Variants in CAPN8 observed in about 807,000 individuals in gnomAD.
The protein encoded by CAPN8 is calpain 8.
A neutral mutation model predicts 80.9 loss-of-function variants in CAPN8; 87 were observed. The ratio of observed to expected loss-of-function variants is 1.07; its 90% CI spans 0.90 to 1.28. The LOEUF (loss-of-function observed/expected upper bound fraction) is 1.28. Ranked by LOEUF, CAPN8 falls within the 50% of genes most tolerant of loss-of-function variation. CAPN8 has a pLI of 0.00. For synonymous variants in CAPN8, 299 were observed against 273.8 expected (o/e 1.09, Z -0.91); for missense variants, 757 against 702.0 (o/e 1.08, Z -0.89).
chr1:223,548,132 A>C (rs1656675696), intron 16 of CAPN8, among the ~76,000 whole-genome samples: 1 of 152,204 alleles, frequency 6.6e-6, no homozygotes, highest in African/African-American at 2.4e-5. Context: ...CCCGCAGTTA[A>C]TGAAAGAACC....
chr1:223,628,037 T>G lies in CAPN8; in HGVS notation c.532A>C (p.Ser178Arg). 1 of 1,549,956 alleles carries G rather than the reference T, an allele frequency of 6.5e-7. No individual in the cohort carries two copies. Among genetic ancestry groups the G allele is most frequent in the Non-Finnish European group, 8.7e-7 (1 of 1,145,944 alleles). ...GCATAGGCTTTCTCCAGCAGGGCACTCCAGAATTCATTGCCTTGTTCCGAG... is the reference window on the plus strand; with the variant it reads ...GCATAGGCTTTCTCCAGCAGGGCACGCCAGAATTCATTGCCTTGTTCCGAG... The part of the protein sequence containing the change: ...LHSEQGNEFW[S>R]ALLEKAYAKL... Residue 178 changes from serine to arginine, a missense_variant, in exon 4 of 21, where the codon AGT becomes CGT. Coordinates refer to ENST00000366872, the MANE Select transcript of CAPN8 (RefSeq NM_001143962.2).
chr1:223,624,159 A>G (rs1657491330), intron 6 of CAPN8, among the ~76,000 whole-genome samples: 2 of 152,116 alleles, frequency 1.3e-5, no homozygotes, highest in Admixed American at 1.3e-4. Context: ...CAGGCTCTCA[A>G]GCGCCTGCCC....
intron 2 of CAPN8, among the ~76,000 whole-genome samples, chr1:223,638,901 C>T (rs528873124): frequency 3.9e-5 from 6 of 152,318 alleles, no homozygotes; most frequent in African/African-American, 1.4e-4. Context: ...GGACCTTGCA[C>T]ATCTGGAAGT....
chr1:223,664,276 T>A (rs543489020), intron 1 of CAPN8, among the ~76,000 whole-genome samples: 3 of 152,344 alleles, frequency 2.0e-5, no homozygotes, highest in East Asian at 3.9e-4. Context: ...CCTGATGGAA[T>A]AATGTCAATT....
intron 1 of CAPN8, among the ~76,000 whole-genome samples, chr1:223,656,208 C>A (rs1046041598): frequency 1.3e-5 from 2 of 151,988 alleles, no homozygotes; most frequent in African/African-American, 4.8e-5. Flanking sequence ...GTGGCTCACG[C>A]CTGTAATCCC....
intron 1 of CAPN8, among the ~76,000 whole-genome samples, chr1:223,656,695 T>C (rs1658502694): frequency 6.9e-6 from 1 of 145,704 alleles, no homozygotes; most frequent in African/African-American, 2.5e-5. Flanking sequence ...TTTTTTTTTT[T>C]TTTTTTGAGA....
intron 9 of CAPN8, among the ~76,000 whole-genome samples, chr1:223,616,420 A>T (rs1657191130): frequency 6.6e-6 from 1 of 152,158 alleles, no homozygotes; most frequent in Admixed American, 6.5e-5. Context: ...CTTGACTGGG[A>T]ATATTCAGGA....
chr1:223,620,967 T>TA (rs66669646), intron 7 of CAPN8, among the ~76,000 whole-genome samples: 28,260 of 147,032 alleles, frequency 0.19, 2,742 homozygotes, highest in Middle Eastern at 0.26. Flanking sequence ...GATCCATCTT[T>TA]AAAAAAAAAA....
At chr1:223,555,581 A>G (rs1656885554) in intron 13 of CAPN8, among the ~76,000 whole-genome samples, 1 of 152,278 alleles carries the variant, frequency 6.6e-6, no homozygotes, top group East Asian at 1.9e-4. Flanking sequence ...GTAATACAGT[A>G]TGCCAAAATC....
intron 20 of CAPN8, among the ~76,000 whole-genome samples, chr1:223,542,793 G>A (rs778083554): frequency 5.9e-5 from 9 of 152,078 alleles, no homozygotes; most frequent in Admixed American, 1.3e-4. Flanking sequence ...TAAGACAGCT[G>A]GTCCTAGAAG....
intron 16 of CAPN8, among the ~76,000 whole-genome samples, chr1:223,549,111 G>C (rs988490439): frequency 1.3e-5 from 2 of 152,078 alleles, no homozygotes; most frequent in Non-Finnish European, 1.5e-5. Context: ...GTGAAACGGA[G>C]ATAATCTCAA....
chr1:223,621,304 C>A (rs1353638138), intron 7 of CAPN8, among the ~76,000 whole-genome samples: 1 of 149,334 alleles, frequency 6.7e-6, no homozygotes, highest in Non-Finnish European at 1.5e-5. Context: ...AGGGATGTTG[C>A]CTTAGAGATT....
chr1:223,633,546 C>CT (rs1657833198), intron 2 of CAPN8, among the ~76,000 whole-genome samples: 1 of 152,082 alleles, frequency 6.6e-6, no homozygotes, highest in African/African-American at 2.4e-5. Flanking sequence ...CCTGTAGTAC[C>CT]AGCTACTCAG....
intron 13 of CAPN8, among the ~76,000 whole-genome samples, chr1:223,556,168 T>C (rs1656903257): frequency 6.6e-6 from 1 of 152,370 alleles, no homozygotes; most frequent in Admixed American, 6.5e-5. Flanking sequence ...CAGGTGATTA[T>C]GCTCTTTGAA....
chr1:223,622,482 A>G, intron 7 of CAPN8: 1 of 285,130 alleles, frequency 3.5e-6, no homozygotes, highest in Non-Finnish European at 6.6e-6. Context: ...GTGGAAAGAA[A>G]CAGACTGTGA....
chr1:223,654,424 C>T lies in CAPN8; in HGVS notation c.238-25G>A, dbSNP rs187522196. On this transcript the variant is annotated intron_variant, in intron 1 of 20. Transcript: ENST00000366872. ...CCTGAAAGTAATTTGGAACAAAACA[C>T]AAGTCACAAGGTGCTCAGTGATGGC... 2.4e-3 allele frequency: 3,766 copies of T among 1,549,594 alleles called. 16 individuals carry two copies. The highest frequency in any genetic ancestry group is 4.7e-3 in the South Asian group (399 of 84,008).
At chr1:223,662,458 A>AAAAG (rs534061104) in intron 1 of CAPN8, among the ~76,000 whole-genome samples, 2 of 152,188 alleles carry the variant, frequency 1.3e-5, no homozygotes, top group African/African-American at 4.8e-5. Context: ...CAAACAAAAA[A>AAAAG]AAAGAAAGAA....
At chr1:223,556,715 C>T (rs1656913659) in intron 13 of CAPN8, among the ~76,000 whole-genome samples, 1 of 152,154 alleles carries the variant, frequency 6.6e-6, no homozygotes. Flanking sequence ...GCAAGAGGGG[C>T]TTAGGATCAG....
In CAPN8 at chr1:223,612,235, C is replaced by T; in HGVS notation, c.1323+11G>A. On this transcript the variant is annotated intron_variant, in intron 11 of 20. Transcript: ENST00000366872. Reference sequence around the variant, plus strand: ...CACCAAAGGAAGGAATCTCTGTCAGCACTCACATACCTCCTTGGGAACCTG... The same window carrying T: ...CACCAAAGGAAGGAATCTCTGTCAGTACTCACATACCTCCTTGGGAACCTG... 8.1e-7 allele frequency: 1 copy of T among 1,234,300 alleles called. No individual in the cohort carries two copies. The highest frequency in any genetic ancestry group is 3.2e-5 in the East Asian group (1 of 31,700). 76.5% of individuals were successfully genotyped at this position (1,234,300 alleles called of 1,614,324 possible). A position where few individuals can be genotyped will look rare whatever the true frequency, so the allele number is the denominator to read the frequency against.
Sources: allele counts gnomAD v4.1 joint callset (sites outside exome capture counted in the v4.1 genomes callset), GRCh38; gene constraint gnomAD v4.1.1; transcripts MANE v1.5; gene names NCBI Gene and HGNC (gene_info 2026-07-23, HGNC 2026-07-21).